The following TMCO5A variants were observed in gnomAD, a reference collection of about 807,000 sequenced individuals.
The protein encoded by TMCO5A is transmembrane and coiled-coil domains 5A.
A neutral mutation model predicts 42.3 loss-of-function variants in TMCO5A; 34 were observed. That is an observed-to-expected ratio of 0.80 (90% CI 0.61 to 1.07). The LOEUF (loss-of-function observed/expected upper bound fraction) is 1.07, where lower values mean the gene tolerates loss of function less well. Ranked by LOEUF, TMCO5A falls within the 50% of genes least tolerant of loss-of-function variation. TMCO5A has a pLI of 0.00. For missense variants in TMCO5A, 357 were observed against 327.9 expected, an observed-to-expected ratio of 1.09 and a Z score of -0.69; for synonymous variants, 131 against 115.6, an observed-to-expected ratio of 1.13 and a Z score of -0.86.
At chr15:38,009,792 A>C in the TMCO5A span, among the ~76,000 whole-genome samples, 180 of 152,196 alleles carry the variant, frequency 1.2e-3, no homozygotes, top group Non-Finnish European at 1.6e-3. Context: ...TGTATATATA[A>C]ATGAGGCATG....
chr15:37,992,684 A>G, the TMCO5A span, among the ~76,000 whole-genome samples: 1 of 152,214 alleles, frequency 6.6e-6, no homozygotes, highest in Non-Finnish European at 1.5e-5. Flanking sequence ...GAACTAGATC[A>G]TGTTCTTTGA....
At chr15:37,997,500 T>C in the TMCO5A span, among the ~76,000 whole-genome samples, 9 of 152,242 alleles carry the variant, frequency 5.9e-5, no homozygotes, top group Admixed American at 5.2e-4. Context: ...TTTCACTTAA[T>C]GTCCTTCAGT....
the TMCO5A span, among the ~76,000 whole-genome samples, chr15:38,002,759 C>G: frequency 6.6e-6 from 1 of 152,014 alleles, no homozygotes; most frequent in Non-Finnish European, 1.5e-5. Context: ...AATTCTCTCT[C>G]TGTGTTATCT....
chr15:38,022,232 T>C, the TMCO5A span, among the ~76,000 whole-genome samples: 53 of 152,308 alleles, frequency 3.5e-4, no homozygotes, highest in African/African-American at 1.2e-3. Context: ...TATTTTTAAT[T>C]ACCAAAATTT....
the TMCO5A span, among the ~76,000 whole-genome samples, chr15:38,002,443 C>G: frequency 2.0e-5 from 3 of 151,708 alleles, no homozygotes; most frequent in South Asian, 6.2e-4. Flanking sequence ...CTCTCTCTTT[C>G]TCTCTCTCTC....
intron 11 of TMCO5A, among the ~76,000 whole-genome samples, chr15:37,948,034 C>G (rs754409751): frequency 4.6e-5 from 7 of 152,042 alleles, no homozygotes; most frequent in Non-Finnish European, 1.0e-4. Context: ...CTTGATGTAT[C>G]TGGTTTCCTA....
At chr15:37,956,110 A>G (rs1451919105), downstream of TMCO5A, among the ~76,000 whole-genome samples, 1 of 152,212 alleles carries the variant, frequency 6.6e-6, no homozygotes, top group Non-Finnish European at 1.5e-5. Context: ...GTAGAGGGAA[A>G]TTTACAGCAC....
At chr15:37,936,083 T>A (rs906956865) in intron 2 of TMCO5A, 1 of 372,538 alleles carries the variant, frequency 2.7e-6, no homozygotes, top group African/African-American at 2.1e-5. Context: ...ACTGTTAGAT[T>A]GAGCACTTTG....
chr15:37,982,729 AATATATAAAT>A, the TMCO5A span, among the ~76,000 whole-genome samples: 5 of 140,920 alleles, frequency 3.5e-5, no homozygotes, highest in Admixed American at 7.1e-5. Context: ...AAATATCTAT[AATATATAAAT>A]ATATATAAAT....
chr15:38,022,406 TATG>T, the TMCO5A span, among the ~76,000 whole-genome samples: 1 of 152,164 alleles, frequency 6.6e-6, no homozygotes, highest in Non-Finnish European at 1.5e-5. Flanking sequence ...AAAGGCTATA[TATG>T]ATATTATTCC....
chr15:37,941,547 GA>G, intron 7 of TMCO5A, 123 bp from the exon 8 acceptor site: 1 of 783,456 alleles, frequency 1.3e-6, no homozygotes, highest in South Asian at 1.6e-5. Context: ...CAGCAAAAAA[GA>G]AAACATATTT....
chr15:37,944,275 A>G (rs1006965898), intron 10 of TMCO5A: 2 of 152,124 alleles, frequency 1.3e-5, no homozygotes, highest in African/African-American at 4.8e-5. Context: ...CTGCTTAGTA[A>G]ACAAAATCCC....
At chr15:37,966,046 C>T (rs1890547955) in intron 11 of TMCO5A, among the ~76,000 whole-genome samples, 1 of 151,796 alleles carries the variant, frequency 6.6e-6, no homozygotes, top group Non-Finnish European at 1.5e-5. Flanking sequence ...AAATATGGTA[C>T]ATCTACACAA....
chr15:37,973,229 T>C, the TMCO5A span, among the ~76,000 whole-genome samples: 1 of 151,944 alleles, frequency 6.6e-6, no homozygotes, highest in Non-Finnish European at 1.5e-5. Flanking sequence ...GGTAATGTGA[T>C]GTCTCCAGCT....
At position 37,936,882 on chromosome 15, in the gene TMCO5A, T is replaced by C; in HGVS notation, c.176T>C (p.Val59Ala). 1 of 1,612,222 alleles carries C rather than the reference T, an allele frequency of 6.2e-7. No homozygotes were observed. Among genetic ancestry groups the C allele is most frequent in the Non-Finnish European group, 8.5e-7 (1 of 1,179,068 alleles). ...ESEIIQTRGLVEDEEWEKENR... is the reference protein window; with the variant it reads ...ESEIIQTRGLAEDEEWEKENR... Reference sequence around the variant, plus strand: ...GAGATCATTCAGACGCGGGGCCTGGTGGAAGATGAAGAGTGGGAGAAGGAG... The same window carrying C: ...GAGATCATTCAGACGCGGGGCCTGGCGGAAGATGAAGAGTGGGAGAAGGAG... The change falls in exon 4 of 12, where the codon GTG (valine) becomes GCG (alanine). Residue 59 changes from valine to alanine, a missense_variant. Val to Ala is a moderately conservative substitution (Grantham distance 64). Coordinates refer to ENST00000319669, the MANE Select transcript of TMCO5A (RefSeq NM_152453.4).
chr15:38,038,719 A>C, the TMCO5A span, among the ~76,000 whole-genome samples: 1 of 152,116 alleles, frequency 6.6e-6, no homozygotes, highest in Non-Finnish European at 1.5e-5. Context: ...GAAGATGAAA[A>C]TTTCAGTGAT....
chr15:38,017,760 T>C, the TMCO5A span, among the ~76,000 whole-genome samples: 1 of 152,142 alleles, frequency 6.6e-6, no homozygotes, highest in Non-Finnish European at 1.5e-5. Context: ...GGCCTGCAGA[T>C]ATGATTTGTC....
the TMCO5A span, among the ~76,000 whole-genome samples, chr15:37,985,898 G>T: frequency 2.6e-4 from 40 of 151,528 alleles, no homozygotes; most frequent in African/African-American, 9.2e-4. Context: ...AAATTAACTT[G>T]TACTCTATTC....
the TMCO5A span, among the ~76,000 whole-genome samples, chr15:38,029,117 G>A: frequency 3.9e-5 from 6 of 152,096 alleles, no homozygotes; most frequent in Non-Finnish European, 8.8e-5. Context: ...TAGCTTGGGT[G>A]TATAAAAAGG....
Sources: allele counts gnomAD v4.1 joint callset (sites outside exome capture counted in the v4.1 genomes callset), GRCh38; gene constraint gnomAD v4.1.1; transcripts MANE v1.5; gene names NCBI Gene and HGNC (gene_info 2026-07-23, HGNC 2026-07-21).